The following PPFIA1 variants were observed in gnomAD, a reference collection of about 807,000 sequenced individuals.
PPFIA1 encodes PPFI scaffold protein A1, also known as liprin-alpha-1.
In PPFIA1, 25 loss-of-function variants were observed where a neutral mutation model predicts 149.9. The observed-to-expected ratio is 0.17, with a 90% CI of 0.12 to 0.23. The LOEUF (loss-of-function observed/expected upper bound fraction) is 0.23, where lower values mean the gene tolerates loss of function less well. PPFIA1 is among the 10% of genes least tolerant of loss of function. The pLI, the probability that PPFIA1 is intolerant of heterozygous loss-of-function variation, is 1.00. For synonymous variants in PPFIA1, 549 were observed against 552.8 expected, an observed-to-expected ratio of 0.99 and a Z score of 0.10; for missense variants, 1,362 against 1,506.5, an observed-to-expected ratio of 0.90 and a Z score of 1.59.
rs148182743 is a variant in PPFIA1, at chr11:70,367,819, A to T, written c.2866-4396A>T. Among the ~76,000 whole-genome samples the T allele has an allele frequency of 3.9e-5, 6 of 152,314 alleles. No individual in the cohort carries two copies. In the East Asian group the frequency reaches 1.2e-3, roughly 29 times the overall value. On this transcript the variant is annotated intron_variant, in intron 21 of 27. Coordinates refer to ENST00000253925, the MANE Select transcript of PPFIA1 (RefSeq NM_003626.5). Reference sequence around the variant, plus strand: ...ATACATAATCAGCAAGCAAGAGAATAATACCAGATATCCCTGCTACATGTA... The same window carrying T: ...ATACATAATCAGCAAGCAAGAGAATTATACCAGATATCCCTGCTACATGTA...
chr11:70,315,750 A>G (rs1242424066), intron 2 of PPFIA1, among the ~76,000 whole-genome samples: 1 of 119,130 alleles, frequency 8.4e-6, no homozygotes, highest in Non-Finnish European at 1.6e-5. Context: ...AACCATTTTT[A>G]AGCACCCAGT....
At chr11:70,370,803 T>C (rs2057195443) in intron 21 of PPFIA1, among the ~76,000 whole-genome samples, 1 of 152,156 alleles carries the variant, frequency 6.6e-6, no homozygotes, top group Non-Finnish European at 1.5e-5. Flanking sequence ...TTCCCACAAT[T>C]TTTGAATTTT....
chr11:70,288,247 T>G (rs533993875), intron 2 of PPFIA1, among the ~76,000 whole-genome samples: 21 of 152,022 alleles, frequency 1.4e-4, no homozygotes, highest in Non-Finnish European at 2.8e-4. Context: ...AATTTTTGCA[T>G]TTTTAGTAGA....
At chr11:70,319,718 G>T (rs1474587999) in intron 2 of PPFIA1, among the ~76,000 whole-genome samples, 5 of 152,156 alleles carry the variant, frequency 3.3e-5, no homozygotes, top group Non-Finnish European at 7.3e-5. Flanking sequence ...CAGGTTTCAT[G>T]CTGTGTGCTG....
At chr11:70,355,030 G>A (rs539051619) in intron 17 of PPFIA1, among the ~76,000 whole-genome samples, 4 of 151,774 alleles carry the variant, frequency 2.6e-5, no homozygotes, top group Admixed American at 2.0e-4. Context: ...TTCACCTCCC[G>A]AGTAGCTGGA....
chr11:70,346,307 G>A (rs1408209784), intron 15 of PPFIA1, among the ~76,000 whole-genome samples: 7 of 152,260 alleles, frequency 4.6e-5, no homozygotes, highest in Admixed American at 4.6e-4. Context: ...TCTGGGTGGG[G>A]TGCTGCCACG....
At chr11:70,361,652 G>C (rs1410169848) in intron 19 of PPFIA1, among the ~76,000 whole-genome samples, 1 of 149,752 alleles carries the variant, frequency 6.7e-6, no homozygotes, top group Non-Finnish European at 1.5e-5. Context: ...GTCTCACTCT[G>C]TTGCCTAGGC....
intron 2 of PPFIA1, among the ~76,000 whole-genome samples, chr11:70,324,023 C>T (rs2054119443): frequency 1.3e-5 from 2 of 152,116 alleles, no homozygotes; most frequent in African/African-American, 4.8e-5. Context: ...GGCCATCTTT[C>T]CTCTCTCTCC....
chr11:70,350,007 C>T (rs773950132), intron 16 of PPFIA1: 1 of 452,688 alleles, frequency 2.2e-6, no homozygotes, highest in South Asian at 1.6e-5. Context: ...CAGTTCCACC[C>T]CATGCTATAG....
At chr11:70,379,981 G>A (rs140600784) in intron 26 of PPFIA1, among the ~76,000 whole-genome samples, 1 of 152,220 alleles carries the variant, frequency 6.6e-6, no homozygotes, top group Non-Finnish European at 1.5e-5. Context: ...TTCAGCTCAA[G>A]CTCTGTCACC....
intron 19 of PPFIA1, 78 bp downstream of exon 19, chr11:70,356,332 T>C (rs1323773596): frequency 2.9e-6 from 3 of 1,051,738 alleles, no homozygotes; most frequent in African/African-American, 3.2e-5. Context: ...TTGTTAATTA[T>C]AATAGCTAGC....
At chr11:70,315,678 G>GTTTT (rs71049904) in intron 2 of PPFIA1, among the ~76,000 whole-genome samples, 140 of 72,976 alleles carry the variant, frequency 1.9e-3, no homozygotes, top group East Asian at 3.5e-3. Context: ...CTTTTTTTCT[G>GTTTT]TTTTTTTTTT....
chr11:70,369,246 A>G (rs2057109522), intron 21 of PPFIA1, among the ~76,000 whole-genome samples: 1 of 152,114 alleles, frequency 6.6e-6, no homozygotes, highest in South Asian at 2.1e-4. Context: ...TTGAGATGAT[A>G]TGGTTTTTTT....
chr11:70,301,855 C>T (rs759927027), intron 2 of PPFIA1, among the ~76,000 whole-genome samples: 2 of 152,192 alleles, frequency 1.3e-5, no homozygotes, highest in Admixed American at 1.3e-4. Context: ...AGACGCAGTA[C>T]GCAGCACATG....
chr11:70,332,110 T>G lies in PPFIA1; in HGVS notation c.1212+16T>G. ...GCTTTCCAAGGTAGTGCCATGAGCT[T>G]CATTCTGGTTCGGCTGCCAGGCCTG... is the stretch of plus-strand genomic sequence containing the variant. On this transcript the variant is annotated intron_variant, in intron 9 of 27. Transcript: ENST00000253925. 6.4e-7 allele frequency: 1 copy of G among 1,571,416 alleles called. No individual in the cohort carries two copies. Among genetic ancestry groups the G allele is most frequent in the Non-Finnish European group, 8.6e-7 (1 of 1,162,406 alleles).
intron 11 of PPFIA1, 128 bp from the exon 12 acceptor site, chr11:70,337,237 G>A: frequency 1.7e-6 from 1 of 582,496 alleles, no homozygotes; most frequent in Non-Finnish European, 2.9e-6. Context: ...CTACAGCAGT[G>A]CTTGCTGGTG....
chr11:70,380,397 C>G (rs1370768750), intron 26 of PPFIA1, among the ~76,000 whole-genome samples: 1 of 150,052 alleles, frequency 6.7e-6, no homozygotes, highest in African/African-American at 2.5e-5. Flanking sequence ...GAAACTCCAT[C>G]TCTACTAAAA....
intron 2 of PPFIA1, among the ~76,000 whole-genome samples, chr11:70,287,103 T>G (rs1020846600): frequency 6.6e-6 from 1 of 152,042 alleles, no homozygotes; most frequent in Non-Finnish European, 1.5e-5. Context: ...TTCGCCCACC[T>G]CAGCCTCCCA....
At chr11:70,362,987 G>C (rs2056738527) in intron 21 of PPFIA1, 1 of 152,274 alleles carries the variant, frequency 6.6e-6, no homozygotes, top group Non-Finnish European at 1.5e-5. Flanking sequence ...ATATTTTAAG[G>C]ACACATTTTA....
Sources: gnomAD v4.1 joint callset for allele counts (sites outside exome capture counted in the v4.1 genomes callset) on GRCh38, gnomAD v4.1.1 for gene constraint, MANE v1.5 for transcripts, NCBI Gene and HGNC (gene_info 2026-07-23, HGNC 2026-07-21) for gene names.